The following CACNA2D1 variants were observed in gnomAD, a reference collection of about 807,000 sequenced individuals.
CACNA2D1 encodes calcium voltage-gated channel auxiliary subunit alpha2delta 1, also known as voltage-dependent calcium channel subunit alpha-2/delta-1.
In CACNA2D1, 53 loss-of-function variants were observed where a neutral mutation model predicts 171.5. The ratio of observed to expected loss-of-function variants is 0.31; its 90% CI spans 0.25 to 0.39. The LOEUF (loss-of-function observed/expected upper bound fraction) is 0.39, where lower values mean the gene tolerates loss of function less well. CACNA2D1 is among the 10% of genes least tolerant of loss of function. The pLI is 1.00. For missense variants in CACNA2D1, 903 were observed against 1,299.8 expected, an observed-to-expected ratio of 0.69 and a Z score of 4.69; for synonymous variants, 442 against 443.1, an observed-to-expected ratio of 1.00 and a Z score of 0.03.
chr7:82,072,250 T>A (rs1808404963), intron 7 of CACNA2D1, among the ~76,000 whole-genome samples: 1 of 152,086 alleles, frequency 6.6e-6, no homozygotes, highest in Non-Finnish European at 1.5e-5. Flanking sequence ...TACAAAGAGA[T>A]GATGAACACT....
chr7:82,082,703 A>G (rs1584679467), intron 7 of CACNA2D1, among the ~76,000 whole-genome samples: 1 of 150,286 alleles, frequency 6.7e-6, no homozygotes. Context: ...TTCACTGGAA[A>G]CCCGTCCCAT....
chr7:82,173,234 A>G (rs1181820312), intron 3 of CACNA2D1, among the ~76,000 whole-genome samples: 1 of 152,122 alleles, frequency 6.6e-6, no homozygotes, highest in Non-Finnish European at 1.5e-5. Flanking sequence ...CTATAACACA[A>G]TTCCCTAGGA....
intron 3 of CACNA2D1, among the ~76,000 whole-genome samples, chr7:82,296,370 T>A (rs987583290): frequency 3.3e-5 from 5 of 152,152 alleles, no homozygotes; most frequent in African/African-American, 1.2e-4. Context: ...CCGAATCAGT[T>A]AGCTCAATGT....
At chr7:82,104,239 A>G (rs546191932) in intron 6 of CACNA2D1, among the ~76,000 whole-genome samples, 2 of 152,208 alleles carry the variant, frequency 1.3e-5, no homozygotes, top group African/African-American at 4.8e-5. Flanking sequence ...GAGGATGTTT[A>G]TATGTACACA....
chr7:82,197,925 T>C (rs1026595112), intron 3 of CACNA2D1, among the ~76,000 whole-genome samples: 1 of 152,018 alleles, frequency 6.6e-6, no homozygotes, highest in African/African-American at 2.4e-5. Context: ...CACACATATG[T>C]CTACCTGGAA....
chr7:82,031,554 T>C (rs1254587924), intron 12 of CACNA2D1, among the ~76,000 whole-genome samples: 1 of 151,954 alleles, frequency 6.6e-6, no homozygotes, highest in Non-Finnish European at 1.5e-5. Context: ...TACATTAAAC[T>C]GTATGACACT....
At chr7:82,230,850 GA>G (rs1183966111) in intron 3 of CACNA2D1, among the ~76,000 whole-genome samples, 7 of 152,148 alleles carry the variant, frequency 4.6e-5, no homozygotes, top group African/African-American at 1.7e-4. Flanking sequence ...AATATAAAAA[GA>G]GAAAGAAGCT....
chr7:82,325,154 G>A (rs1816495161), intron 3 of CACNA2D1, among the ~76,000 whole-genome samples: 1 of 152,158 alleles, frequency 6.6e-6, no homozygotes, highest in Non-Finnish European at 1.5e-5. Flanking sequence ...ATTGAGATTG[G>A]AAGATGTAAA....
At chr7:82,029,660 C>T (rs367993017) in intron 12 of CACNA2D1, 1 of 151,742 alleles carries the variant, frequency 6.6e-6, no homozygotes, top group East Asian at 1.9e-4. Flanking sequence ...AAGCTATATA[C>T]ATGGTTCCTT....
At chr7:82,169,292 T>C (rs965361674) in intron 4 of CACNA2D1, among the ~76,000 whole-genome samples, 1 of 151,998 alleles carries the variant, frequency 6.6e-6, no homozygotes, top group Non-Finnish European at 1.5e-5. Flanking sequence ...GGATAGCAAA[T>C]TGATCTTTAT....
chr7:82,015,029 G>A (rs1327042194), intron 12 of CACNA2D1, among the ~76,000 whole-genome samples: 1 of 151,914 alleles, frequency 6.6e-6, no homozygotes, highest in Non-Finnish European at 1.5e-5. Flanking sequence ...TCCAGCTTGG[G>A]CAACAAGAGC....
chr7:82,118,598 G>A (rs1219606877), intron 5 of CACNA2D1, among the ~76,000 whole-genome samples: 1 of 151,856 alleles, frequency 6.6e-6, no homozygotes, highest in African/African-American at 2.4e-5. Context: ...AAACTATTAA[G>A]GTTTAAGTCT....
At chr7:82,142,213 C>T (rs1792477620) in intron 4 of CACNA2D1, among the ~76,000 whole-genome samples, 1 of 152,176 alleles carries the variant, frequency 6.6e-6, no homozygotes, top group Non-Finnish European at 1.5e-5. Flanking sequence ...TGATTTTTAA[C>T]CATGCAGTTT....
intron 3 of CACNA2D1, among the ~76,000 whole-genome samples, chr7:82,264,123 G>C (rs1481797042): frequency 6.6e-6 from 1 of 152,010 alleles, no homozygotes; most frequent in East Asian, 1.9e-4. Context: ...CATTTCCTTT[G>C]CTTCTCAACA....
chr7:82,313,339 G>A (rs1041582039), intron 3 of CACNA2D1, among the ~76,000 whole-genome samples: 1 of 147,618 alleles, frequency 6.8e-6, no homozygotes, highest in African/African-American at 2.4e-5. Context: ...AGGGCCTGCA[G>A]ACAACAATAG....
intron 1 of CACNA2D1, among the ~76,000 whole-genome samples, chr7:82,435,531 A>C (rs1324219305): frequency 1.3e-5 from 2 of 151,912 alleles, no homozygotes; most frequent in Admixed American, 6.6e-5. Flanking sequence ...TCCTTTCCTG[A>C]TTCCCCAAAT....
At position 81,947,236 on chromosome 7, in the gene CACNA2D1, A is replaced by T. The variant is rs1792113440; in HGVS notation, c.*3156T>A. 6.6e-6 allele frequency: 1 copy of T among 151,948 alleles called. No individual in the cohort carries two copies. Among genetic ancestry groups the T allele is most frequent in the Admixed American group, 6.6e-5 (1 of 15,244 alleles). The allele number at this position is 151,948 out of a possible 1,614,324, so 9.4% of individuals were successfully genotyped here. ...GGGTTGCAAAGGTCACTTAAAAGGG[A>T]TACTGCCTATTTGAACCCGATAAGT... On this transcript the variant is annotated 3_prime_UTR_variant, in exon 39 of 39. Transcript: ENST00000356860.
At chr7:82,334,696 ACT>A (rs1491510084) in intron 3 of CACNA2D1, among the ~76,000 whole-genome samples, 7 of 150,712 alleles carry the variant, frequency 4.6e-5, no homozygotes, top group African/African-American at 1.7e-4. Flanking sequence ...AAAAATGGTA[ACT>A]TGAATATCTA....
At chr7:82,052,160 A>T (rs1261984588) in intron 10 of CACNA2D1, among the ~76,000 whole-genome samples, 1 of 152,156 alleles carries the variant, frequency 6.6e-6, no homozygotes, top group Non-Finnish European at 1.5e-5. Context: ...TGGATGACCC[A>T]CATTCTTTTG....
Sources: gnomAD v4.1 joint callset for allele counts (sites outside exome capture counted in the v4.1 genomes callset) on GRCh38, gnomAD v4.1.1 for gene constraint, MANE v1.5 for transcripts, NCBI Gene and HGNC (gene_info 2026-07-23, HGNC 2026-07-21) for gene names.